Variants in RERE observed in about 807,000 individuals in gnomAD.
RERE encodes the protein arginine-glutamic acid dipeptide repeats.
Under a neutral mutation model 146.1 loss-of-function variants are expected in RERE, and 40 were observed. The ratio of observed to expected loss-of-function variants is 0.27; its 90% CI spans 0.21 to 0.36. The LOEUF (loss-of-function observed/expected upper bound fraction) is 0.36. Among genes scored for constraint, RERE ranks in the 10% least tolerant of loss-of-function variants. The pLI is 1.00. For synonymous variants in RERE, 1,003 were observed against 866.0 expected, an observed-to-expected ratio of 1.16 and a Z score of -2.78; for missense variants, 1,933 against 2,138.7, an observed-to-expected ratio of 0.90 and a Z score of 1.90.
intron 2 of RERE, among the ~76,000 whole-genome samples, chr1:8,635,513 C>T (rs534199783): frequency 2.0e-5 from 3 of 152,296 alleles, no homozygotes; most frequent in South Asian, 2.1e-4. Context: ...CAACAGACTT[C>T]GTTCAACAAA....
intron 1 of RERE, among the ~76,000 whole-genome samples, chr1:8,694,185 G>T (rs1422126851): frequency 6.6e-6 from 1 of 152,134 alleles, no homozygotes; most frequent in African/African-American, 2.4e-5. Context: ...AAGAAGTCAA[G>T]CTACTGCTCT....
At chr1:8,363,927 A>T in intron 15 of RERE, 129 bp downstream of exon 15, 1 of 839,222 alleles carries the variant, frequency 1.2e-6, no homozygotes, top group Non-Finnish European at 1.9e-6. Flanking sequence ...CCTCGGGCAA[A>T]GCAGCTCCCC....
intron 1 of RERE, among the ~76,000 whole-genome samples, chr1:8,707,011 A>ATTCCACAAGGGATTCC (rs2124449857): frequency 6.6e-6 from 1 of 152,366 alleles, no homozygotes; most frequent in African/African-American, 2.4e-5. Flanking sequence ...GACTGTCAGC[A>ATTCCACAAGGGATTCC]TTCCACAAGG....
At chr1:8,509,809 A>C (rs1160552616) in intron 7 of RERE, among the ~76,000 whole-genome samples, 1 of 152,194 alleles carries the variant, frequency 6.6e-6, no homozygotes, top group Non-Finnish European at 1.5e-5. Context: ...AAGGCAACAA[A>C]CAAAACAGTG....
At chr1:8,592,762 T>A (rs1369690701) in intron 4 of RERE, among the ~76,000 whole-genome samples, 3 of 152,196 alleles carry the variant, frequency 2.0e-5, no homozygotes, top group South Asian at 4.2e-4. Flanking sequence ...TTACACCCTA[T>A]CCTAGGAGAA....
In RERE at chr1:8,633,163, T is replaced by C. The variant is rs937139354; in HGVS notation, c.326-8783A>G. Among the ~76,000 whole-genome samples the C allele has an allele frequency of 3.9e-5, 6 of 152,224 alleles. No individual in the cohort carries two copies. The East Asian group carries it at 5.8e-4, about 15-fold the overall frequency. ...GGCCAAGCTTAGTGGCTCACACTTA[T>C]AATCCCAACACATTGGGAGGTGGAG... On this transcript the variant is annotated intron_variant, in intron 2 of 22. Coordinates refer to ENST00000400908, the MANE Select transcript of RERE (RefSeq NM_001042681.2).
At chr1:8,498,728 T>C (rs1489275769) in intron 8 of RERE, among the ~76,000 whole-genome samples, 2 of 11,412 alleles carry the variant, frequency 1.8e-4, no homozygotes, top group African/African-American at 5.1e-4. Flanking sequence ...AAAAAATAAA[T>C]ATATACACAC....
intron 7 of RERE, among the ~76,000 whole-genome samples, chr1:8,518,044 C>A (rs1334070854): frequency 2.0e-5 from 3 of 152,200 alleles, no homozygotes; most frequent in African/African-American, 7.2e-5. Context: ...GATGCGGCCA[C>A]TTCTTCACCC....
Position 8,362,012 on chromosome 1 carries a change from G to C in RERE, c.1903-136C>G, listed in dbSNP as rs1032824035. On this transcript the variant is annotated intron_variant, in intron 16 of 22. Coordinates refer to ENST00000400908, the MANE Select transcript of RERE (RefSeq NM_001042681.2). ...TCTCCAGGAGCAAAAAGCTCTAGAAGGGTCAACTGGGGCCAAGAAGGAACA... is the reference window on the plus strand; with the variant it reads ...TCTCCAGGAGCAAAAAGCTCTAGAACGGTCAACTGGGGCCAAGAAGGAACA... 22 of 627,000 alleles carry C rather than the reference G, an allele frequency of 3.5e-5. No individual in the cohort carries two copies. The African/African-American group carries it at 3.7e-4, about 10-fold the overall frequency. 38.8% of individuals were successfully genotyped at this position (627,000 alleles called of 1,614,324 possible).
intron 6 of RERE, among the ~76,000 whole-genome samples, chr1:8,546,739 T>G (rs1645867107): frequency 6.6e-6 from 1 of 151,834 alleles, no homozygotes; most frequent in East Asian, 1.9e-4. Context: ...TGCCAGCTAC[T>G]TTGGAGGCTG....
chr1:8,722,970 T>C (rs951979123), intron 1 of RERE, among the ~76,000 whole-genome samples: 5 of 152,190 alleles, frequency 3.3e-5, no homozygotes, highest in African/African-American at 1.2e-4. Flanking sequence ...CTATTTGACA[T>C]GGAAATTCAA....
At position 8,361,240 on chromosome 1, in the gene RERE, G is replaced by A. The variant is rs1007730438; in HGVS notation, c.2267C>T (p.Pro756Leu). ...GVTPAPSSAP[P>L]GTPQLPTPGP... Reference sequence around the variant, plus strand: ...TGGCGTGGGCAGCTGAGGGGTCCCTGGAGGAGCTGAGGAGGGAGCTGGGGT... The same window carrying A: ...TGGCGTGGGCAGCTGAGGGGTCCCTAGAGGAGCTGAGGAGGGAGCTGGGGT... Residue 756 changes from proline to leucine, a missense_variant, in exon 18 of 23, where the codon CCA becomes CTA. Around this residue, in one of 11 missense-constraint regions of RERE, gnomAD observed 1,255 missense variants for 1,153.8 expected, o/e 1.09. Coordinates refer to ENST00000400908, the MANE Select transcript of RERE (RefSeq NM_001042681.2). 5 of 1,556,490 alleles carry A rather than the reference G, an allele frequency of 3.2e-6. No individual in the cohort carries two copies. Among genetic ancestry groups the A allele is most frequent in the Admixed American group, 3.7e-5 (2 of 54,286 alleles).
intron 4 of RERE, among the ~76,000 whole-genome samples, chr1:8,603,492 A>AT (rs1426107600): frequency 6.6e-6 from 1 of 152,122 alleles, no homozygotes; most frequent in East Asian, 1.9e-4. Context: ...GCGGCTACTT[A>AT]TTTCACAACA....
chr1:8,544,999 G>C (rs1053234935), intron 6 of RERE, among the ~76,000 whole-genome samples: 1 of 152,204 alleles, frequency 6.6e-6, no homozygotes, highest in Non-Finnish European at 1.5e-5. Flanking sequence ...TATGTGTGCA[G>C]AAGTATGGGT....
At chr1:8,623,454 C>T (rs1439684897) in intron 3 of RERE, among the ~76,000 whole-genome samples, 5 of 152,156 alleles carry the variant, frequency 3.3e-5, no homozygotes, top group Non-Finnish European at 7.3e-5. Context: ...CTGTTTCAAA[C>T]AACAACAATG....
chr1:8,526,226 C>A (rs1483096519), intron 7 of RERE, among the ~76,000 whole-genome samples: 3 of 151,928 alleles, frequency 2.0e-5, no homozygotes, highest in Non-Finnish European at 4.4e-5. Flanking sequence ...AGGAACTCAG[C>A]AAGCCAAGCC....
chr1:8,770,364 G>C (rs191369053), intron 1 of RERE, among the ~76,000 whole-genome samples: 1 of 152,188 alleles, frequency 6.6e-6, no homozygotes, highest in African/African-American at 2.4e-5. Context: ...ATGGATTATG[G>C]ATAATTAGGG....
At chr1:8,699,697 G>C (rs1639406366) in intron 1 of RERE, among the ~76,000 whole-genome samples, 1 of 152,130 alleles carries the variant, frequency 6.6e-6, no homozygotes, top group African/African-American at 2.4e-5. Context: ...CTTTTAATTA[G>C]AGAAAACATT....
intron 10 of RERE, among the ~76,000 whole-genome samples, chr1:8,480,385 G>A (rs1179001091): frequency 1.3e-4 from 19 of 149,850 alleles, no homozygotes; most frequent in African/African-American, 4.2e-4. Context: ...TGATCCGCCC[G>A]CCTTGGCCTC....
Sources: allele counts gnomAD v4.1 joint callset (sites outside exome capture counted in the v4.1 genomes callset), GRCh38; gene constraint gnomAD v4.1.1; regional missense constraint gnomAD v4.1.1; transcripts MANE v1.5; gene names NCBI Gene and HGNC (gene_info 2026-07-23, HGNC 2026-07-21).